The following MTA3 variants were observed in gnomAD, a reference collection of about 807,000 sequenced individuals.
MTA3 encodes metastasis-associated protein MTA3.
MTA3 carries 34 observed loss-of-function variants against 83.5 expected under a neutral mutation model. That is an observed-to-expected ratio of 0.41 (90% CI 0.31 to 0.54). The LOEUF is 0.54. Ranked by LOEUF, MTA3 falls within the 20% of genes least tolerant of loss-of-function variation. The probability of loss-of-function intolerance (pLI) is 0.33; values close to 1 mark genes in which losing one functional copy is unlikely to be tolerated. For missense variants in MTA3, 761 were observed against 726.4 expected, an observed-to-expected ratio of 1.05 and a Z score of -0.55; for synonymous variants, 303 against 252.7, an observed-to-expected ratio of 1.20 and a Z score of -1.89.
intron 4 of MTA3, among the ~76,000 whole-genome samples, chr2:42,620,150 G>T (rs552284377): frequency 7.3e-6 from 1 of 137,720 alleles, no homozygotes; most frequent in East Asian, 2.1e-4. Flanking sequence ...AAAGAGTCTT[G>T]CTCTGTCGCC....
chr2:42,508,207 C>G (rs922024207), intron 2 of MTA3, among the ~76,000 whole-genome samples: 13 of 152,126 alleles, frequency 8.5e-5, no homozygotes, highest in African/African-American at 2.4e-4. Flanking sequence ...AATCTTTCCC[C>G]AGCCACACAT....
At chr2:42,723,309 A>G (rs530092313) in intron 16 of MTA3, 27 of 400,230 alleles carry the variant, frequency 6.7e-5, no homozygotes, top group African/African-American at 4.1e-4. Context: ...CTGCTGGGTA[A>G]TAATGTTCTT....
intron 14 of MTA3, chr2:42,709,390 C>G: frequency 5.1e-6 from 5 of 971,678 alleles, no homozygotes; most frequent in Non-Finnish European, 6.7e-6. Flanking sequence ...ATGGAATTGC[C>G]TGCAGAGCCC....
chr2:42,650,474 C>CTG (rs1688613005), intron 6 of MTA3, among the ~76,000 whole-genome samples: 1 of 151,946 alleles, frequency 6.6e-6, no homozygotes. Flanking sequence ...GAGTCTTACT[C>CTG]TGTCACCCAG....
intron 3 of MTA3, among the ~76,000 whole-genome samples, chr2:42,582,959 T>C (rs530612871): frequency 6.6e-5 from 10 of 152,324 alleles, no homozygotes; most frequent in African/African-American, 7.2e-5. Flanking sequence ...TTGGCTGTTT[T>C]ACTGCTTGAC....
chr2:42,711,800 G>T (rs1033254351), intron 14 of MTA3, among the ~76,000 whole-genome samples: 10 of 151,802 alleles, frequency 6.6e-5, no homozygotes, highest in African/African-American at 9.7e-5. Context: ...GTGTGTGTGT[G>T]TGTGTGTGTG....
chr2:42,566,334 T>C, upstream of MTA3, among the ~76,000 whole-genome samples: 1 of 152,228 alleles, frequency 6.6e-6, no homozygotes, highest in South Asian at 2.1e-4. Context: ...TATAAAAGTT[T>C]CACAAAGTCC....
rs1678370262 is a variant in MTA3 at position 42,570,696 on chromosome 2, T to G, written c.96+192T>G. Reference sequence around the variant, plus strand: ...CAACATAGTGAGACCCTATCTCTTATTTTTTTTTAATTAATATAAAAAGTA... The same window carrying G: ...CAACATAGTGAGACCCTATCTCTTAGTTTTTTTTAATTAATATAAAAAGTA... On this transcript the variant is annotated intron_variant, in intron 2 of 16. Transcript: ENST00000405094. 2.0e-5 allele frequency among the ~76,000 whole-genome samples: 3 copies of G among 148,298 alleles called. No individual in the cohort carries two copies. In the South Asian group the frequency reaches 6.3e-4, roughly 31 times the overall value.
At chr2:42,726,666 G>A (rs961145395) in intron 16 of MTA3, among the ~76,000 whole-genome samples, 1 of 152,078 alleles carries the variant, frequency 6.6e-6, no homozygotes, top group South Asian at 2.1e-4. Flanking sequence ...TGTGAATTTG[G>A]GCTAGCAGAA....
At chr2:42,593,702 T>A (rs982776146) in intron 3 of MTA3, among the ~76,000 whole-genome samples, 7 of 90,578 alleles carry the variant, frequency 7.7e-5, no homozygotes, top group African/African-American at 3.0e-4. Flanking sequence ...TTTATTGATA[T>A]GGAGTCTTTA....
intron 8 of MTA3, among the ~76,000 whole-genome samples, chr2:42,665,967 A>G (rs747007356): frequency 6.6e-6 from 1 of 152,180 alleles, no homozygotes; most frequent in Non-Finnish European, 1.5e-5. Flanking sequence ...TTTCTATGTT[A>G]TATCTGATCT....
chr2:42,581,385 T>C (rs941998130), intron 3 of MTA3, among the ~76,000 whole-genome samples: 36 of 141,658 alleles, frequency 2.5e-4, no homozygotes, highest in South Asian at 6.8e-4. Flanking sequence ...TTTTTTTTTT[T>C]CGGAGACAGG....
intron 6 of MTA3, among the ~76,000 whole-genome samples, chr2:42,648,204 C>T (rs1226979583): frequency 1.3e-5 from 2 of 152,076 alleles, no homozygotes; most frequent in Non-Finnish European, 2.9e-5. Context: ...AGTAGGTATA[C>T]CAGTAATTAA....
chr2:42,573,691 A>G (rs1029765432), intron 2 of MTA3, among the ~76,000 whole-genome samples: 2 of 149,460 alleles, frequency 1.3e-5, no homozygotes, highest in Non-Finnish European at 3.0e-5. Flanking sequence ...TTGTATTTTT[A>G]GTAGAGACAG....
intron 8 of MTA3, among the ~76,000 whole-genome samples, chr2:42,674,336 A>C (rs1054527372): frequency 2.0e-5 from 3 of 152,216 alleles, no homozygotes; most frequent in Non-Finnish European, 4.4e-5. Flanking sequence ...AAAGATGAGA[A>C]TTCCATTGCC....
intron 2 of MTA3, among the ~76,000 whole-genome samples, chr2:42,524,980 TA>T (rs1675619075): frequency 6.6e-6 from 1 of 150,518 alleles, no homozygotes. Context: ...TTTTATACTT[TA>T]AGTTTTAGGG....
chr2:42,716,952 A>C (rs1477498537), intron 14 of MTA3, among the ~76,000 whole-genome samples: 1 of 152,112 alleles, frequency 6.6e-6, no homozygotes. Context: ...AACCGTGTAT[A>C]GCATTTCTTT....
chr2:42,520,680 C>G (rs1017732494), intron 2 of MTA3, among the ~76,000 whole-genome samples: 1 of 151,968 alleles, frequency 6.6e-6, no homozygotes, highest in South Asian at 2.1e-4. Flanking sequence ...ATCCTCCCAC[C>G]TCAACGTCCC....
intron 4 of MTA3, among the ~76,000 whole-genome samples, chr2:42,626,212 G>A (rs1430040930): frequency 6.7e-6 from 1 of 150,292 alleles, no homozygotes; most frequent in African/African-American, 2.5e-5. Flanking sequence ...CAAAGTGCTG[G>A]GATTACAGGC....
Sources: allele counts gnomAD v4.1 joint callset (sites outside exome capture counted in the v4.1 genomes callset), GRCh38; gene constraint gnomAD v4.1.1; transcripts MANE v1.5; gene names NCBI Gene and HGNC (gene_info 2026-07-23, HGNC 2026-07-21).